EML1: variants seen among roughly 807,000 people sequenced by gnomAD.
EML1 encodes the protein echinoderm microtubule-associated protein-like 1.
Under a neutral mutation model 110.4 loss-of-function variants are expected in EML1, and 27 were observed. The observed-to-expected ratio is 0.24, with a 90% CI of 0.18 to 0.34. The LOEUF is 0.34. Ranked by LOEUF, EML1 falls within the 10% of genes least tolerant of loss-of-function variation. The pLI, the probability that EML1 is intolerant of heterozygous loss-of-function variation, is 1.00. For missense variants in EML1, 741 were observed against 1,030.9 expected, an observed-to-expected ratio of 0.72 and a Z score of 3.85; for synonymous variants, 344 against 385.8, an observed-to-expected ratio of 0.89 and a Z score of 1.27.
intron 6 of EML1, 109 bp downstream of exon 6, chr14:99,894,867 C>T: frequency 7.4e-7 from 1 of 1,359,046 alleles, no homozygotes; most frequent in East Asian, 2.5e-5. Flanking sequence ...TTTTAAAAAA[C>T]AAAATGTTTT....
intron 1 of EML1, among the ~76,000 whole-genome samples, chr14:99,749,483 A>G (rs1029266411): frequency 2.6e-5 from 4 of 152,148 alleles, no homozygotes; most frequent in Non-Finnish European, 5.9e-5. Context: ...CGGTTTTCAT[A>G]TCTGTAAAAT....
chr14:99,794,905 G>A (rs900974777), intron 1 of EML1, among the ~76,000 whole-genome samples: 32 of 152,106 alleles, frequency 2.1e-4, no homozygotes, highest in African/African-American at 7.2e-4. Flanking sequence ...CTCTCCAGTA[G>A]GTTAAATAGA....
Position 99,911,533 on chromosome 14 carries a change from T to A in EML1, c.1451T>A (p.Leu484His), listed in dbSNP as rs1444478190. 6.2e-7 allele frequency: 1 copy of A among 1,612,774 alleles called. No homozygotes were observed. The highest frequency in any genetic ancestry group is 8.5e-7 in the Non-Finnish European group (1 of 1,179,810). ...LVSGGGKDRK[L>H]ISWSGNYQKL... ...TCGGGAGGTGGGAAAGACCGAAAGC[T>A]CATTTCTTGGAGCGGAAACTATCAA... is the stretch of plus-strand genomic sequence containing the variant. Residue 484 changes from leucine (L) to histidine (H), a missense_variant, in exon 13 of 22, where the codon CTC becomes CAC. Leu to His is a moderately conservative substitution (Grantham distance 99). Coordinates refer to ENST00000262233, the MANE Select transcript of EML1 (RefSeq NM_004434.3).
chr14:99,888,805 G>A (rs542945596), intron 4 of EML1, among the ~76,000 whole-genome samples: 1 of 150,910 alleles, frequency 6.6e-6, no homozygotes, highest in Middle Eastern at 3.4e-3. Context: ...CTCTGGCAGA[G>A]TGGCGGGGAG....
At chr14:99,793,307 C>T, upstream of EML1, 1 of 979,576 alleles carries the variant, frequency 1.0e-6, no homozygotes, top group Non-Finnish European at 1.2e-6. Flanking sequence ...GCTCGCGCGG[C>T]TGCGGCGGCG....
At chr14:99,909,898 AC>A in intron 11 of EML1, among the ~76,000 whole-genome samples, 1 of 151,872 alleles carries the variant, frequency 6.6e-6, no homozygotes, top group African/African-American at 2.4e-5. Context: ...TGTTTCGAGG[AC>A]CCCTTTATTC....
Position 99,903,784 on chromosome 14 carries a change from C to CTTTTTTTTTTTTTTTTTTTTTTTTT in EML1, c.1008+2745_1008+2746insTTTTTTTTTTTTTTTTTTTTTTTTT, listed in dbSNP as rs202121563. Among the ~76,000 whole-genome samples the CTTTTTTTTTTTTTTTTTTTTTTTTT allele has an allele frequency of 1.4e-5, 2 of 141,612 alleles. 1 individual carries two copies. The allele number at this position is 141,612 out of a possible 152,430, so 92.9% of individuals were successfully genotyped here. ...ACAAAATCTCATAGATAAATCTATT[C>CTTTTTTTTTTTTTTTTTTTTTTTTT]ATTTTTTTTTTTTTTTTGAGACAGA... On this transcript the variant is annotated intron_variant, in intron 9 of 21. Coordinates refer to ENST00000262233, the MANE Select transcript of EML1 (RefSeq NM_004434.3).
intron 1 of EML1, among the ~76,000 whole-genome samples, chr14:99,832,568 G>A (rs1005885778): frequency 5.9e-5 from 9 of 152,280 alleles, no homozygotes; most frequent in African/African-American, 1.2e-4. Flanking sequence ...TCTAACGGGC[G>A]TGAGGTGATA....
intron 1 of EML1, among the ~76,000 whole-genome samples, chr14:99,845,909 C>T (rs1031838721): frequency 1.1e-4 from 16 of 151,654 alleles, no homozygotes; most frequent in Admixed American, 6.6e-4. Flanking sequence ...AATTAGCCGG[C>T]GTTGGTGGCA....
At chr14:99,892,327 T>G in intron 5 of EML1, 2 of 495,904 alleles carry the variant, frequency 4.0e-6, no homozygotes, top group Non-Finnish European at 5.2e-6. Flanking sequence ...CCACTTCGAT[T>G]CATTTTAAGT....
chr14:99,846,579 A>G (rs1312113632), intron 1 of EML1, among the ~76,000 whole-genome samples: 4 of 152,094 alleles, frequency 2.6e-5, no homozygotes, highest in Non-Finnish European at 5.9e-5. Flanking sequence ...CACCACCCCC[A>G]GCCCTGGTGA....
intron 1 of EML1, among the ~76,000 whole-genome samples, chr14:99,831,732 A>G (rs907749395): frequency 3.4e-4 from 52 of 152,238 alleles, no homozygotes; most frequent in South Asian, 2.7e-3. Flanking sequence ...TCTTATTTTT[A>G]ATATCCTGCC....
intron 1 of EML1, among the ~76,000 whole-genome samples, chr14:99,748,744 C>T (rs943429892): frequency 7.2e-5 from 11 of 152,212 alleles, no homozygotes; most frequent in Non-Finnish European, 1.6e-4. Flanking sequence ...AGTTGTGCAA[C>T]CATCACCACA....
chr14:99,832,477 C>T (rs1173400518), intron 1 of EML1, among the ~76,000 whole-genome samples: 4 of 152,170 alleles, frequency 2.6e-5, no homozygotes, highest in African/African-American at 2.4e-5. Context: ...CCTGACATCC[C>T]CACAGCCATG....
At chr14:99,808,195 T>C (rs2058013002) in intron 1 of EML1, among the ~76,000 whole-genome samples, 1 of 152,204 alleles carries the variant, frequency 6.6e-6, no homozygotes, top group Admixed American at 6.5e-5. Context: ...CATCAGCTAG[T>C]GAGTTCCTTG....
chr14:99,870,406 T>C (rs150042678), intron 3 of EML1, among the ~76,000 whole-genome samples: 73 of 152,366 alleles, frequency 4.8e-4, no homozygotes, highest in African/African-American at 1.6e-3. Context: ...CAAGTGCTAT[T>C]GTAGAAGCTG....
At chr14:99,747,496 T>C (rs2057125052) in intron 1 of EML1, among the ~76,000 whole-genome samples, 1 of 151,990 alleles carries the variant, frequency 6.6e-6, no homozygotes, top group African/African-American at 2.4e-5. Context: ...GGTTGCCCAG[T>C]TGGGGGGTGG....
chr14:99,755,601 C>T (rs1255124486), intron 1 of EML1, among the ~76,000 whole-genome samples: 1 of 152,154 alleles, frequency 6.6e-6, no homozygotes, highest in Non-Finnish European at 1.5e-5. Flanking sequence ...CCTGTCCCGG[C>T]TGTGGACTGG....
chr14:99,814,219 A>C (rs950035849), intron 1 of EML1, among the ~76,000 whole-genome samples: 2 of 152,192 alleles, frequency 1.3e-5, no homozygotes, highest in African/African-American at 4.8e-5. Context: ...ATCTTAAAAG[A>C]GACATTGAAA....
Sources: allele counts gnomAD v4.1 joint callset (sites outside exome capture counted in the v4.1 genomes callset), GRCh38; gene constraint gnomAD v4.1.1; transcripts MANE v1.5; gene names NCBI Gene and HGNC (gene_info 2026-07-23, HGNC 2026-07-21).